Variants in RPS15A observed in about 807,000 individuals in gnomAD.
RPS15A encodes the protein ribosomal protein S15a.
For synonymous variants in RPS15A, 55 were observed against 58.5 expected (o/e 0.94, Z 0.27); for missense variants, 62 against 163.4 (o/e 0.38, Z 3.38).
intron 3 of RPS15A, among the ~76,000 whole-genome samples, chr16:18,787,727 T>C (rs1229765560): frequency 6.6e-6 from 1 of 152,308 alleles, no homozygotes; most frequent in South Asian, 2.1e-4. Flanking sequence ...CACAGCACCT[T>C]GGACAAAAGG....
intron 2 of RPS15A, 105 bp from the exon 3 acceptor site, chr16:18,788,247 T>C (rs531164906): frequency 4.1e-6 from 3 of 731,302 alleles, no homozygotes; most frequent in East Asian, 2.5e-5. Flanking sequence ...CCTCAGTGAC[T>C]GCTTCTCCAA....
chr16:18,783,570 T>G (rs565392473), intron 4 of RPS15A: 1 of 440,950 alleles, frequency 2.3e-6, no homozygotes, highest in African/African-American at 2.0e-5. Flanking sequence ...AAGCATATAG[T>G]ATGCAAATGT....
chr16:18,783,346 T>A (rs891383206), intron 4 of RPS15A: 6 of 498,678 alleles, frequency 1.2e-5, no homozygotes, highest in Non-Finnish European at 2.2e-5. Flanking sequence ...GCCTACACCA[T>A]GAAACAAACT....
intron 3 of RPS15A, 150 bp from the exon 4 acceptor site, chr16:18,784,973 C>A: frequency 1.7e-6 from 1 of 581,256 alleles, no homozygotes; most frequent in Non-Finnish European, 2.9e-6. Flanking sequence ...CAATGCTTGA[C>A]ATACTTTTCA....
At chr16:18,785,123 T>C (rs1904026741) in intron 3 of RPS15A, 1 of 268,690 alleles carries the variant, frequency 3.7e-6, no homozygotes, top group Non-Finnish European at 6.9e-6. Flanking sequence ...GATGATCAGA[T>C]TTTACATAGC....
At chr16:18,789,480 C>G (rs1341914843) in intron 1 of RPS15A, among the ~76,000 whole-genome samples, 3 of 152,214 alleles carry the variant, frequency 2.0e-5, no homozygotes, top group Admixed American at 2.0e-4. Context: ...AGGAAAACAT[C>G]GGGTATAGTC....
rs1381645199 is a variant in RPS15A at position 18,788,959 on chromosome 16, AAC to A, written c.133+20_133+21del. The A allele has an allele frequency of 3.7e-6, 6 of 1,603,636 alleles. No homozygotes were observed. The Admixed American group carries it at 8.7e-5, about 23-fold the overall frequency. ...TAGAGAGTCTCACATGAAAACATAA[AAC>A]ACAGCGGCAGCAGACTTACCATGCT... On this transcript the variant is annotated intron_variant, in intron 2 of 4. Coordinates refer to ENST00000322989, the MANE Select transcript of RPS15A (RefSeq NM_001019.5).
chr16:18,786,332 C>A (rs753254723), intron 3 of RPS15A: 2 of 167,578 alleles, frequency 1.2e-5, no homozygotes, highest in Non-Finnish European at 2.7e-5. Flanking sequence ...CCACTGCACT[C>A]CAACCTGGGT....
At position 18,782,821 on chromosome 16, in the gene RPS15A, T is replaced by C; in HGVS notation, c.*188A>G. ...AGCAGGGGTGACTGTTTCTTAGGCATACTGGTTTCATAAGAACTTTTTCCC... is the reference window on the plus strand; with the variant it reads ...AGCAGGGGTGACTGTTTCTTAGGCACACTGGTTTCATAAGAACTTTTTCCC... On this transcript the variant is annotated 3_prime_UTR_variant, in exon 5 of 5. Transcript: ENST00000322989. 3.8e-6 allele frequency: 2 copies of C among 523,012 alleles called. No homozygotes were observed. The highest frequency in any genetic ancestry group is 1.9e-5 in the African/African-American group (1 of 52,154). The allele number at this position is 523,012 out of a possible 1,614,324, so 32.4% of individuals were successfully genotyped here. A position where few individuals can be genotyped will look rare whatever the true frequency, so the allele number is the denominator to read the frequency against.
chr16:18,788,212 T>G, intron 2 of RPS15A, 70 bp from the exon 3 acceptor site: 1 of 968,288 alleles, frequency 1.0e-6, no homozygotes, highest in Non-Finnish European at 1.6e-6. Flanking sequence ...TGCTCTAGCC[T>G]ACTCAATTCT....
At chr16:18,783,541 C>T (rs1334402097) in intron 4 of RPS15A, 5 of 400,440 alleles carry the variant, frequency 1.2e-5, no homozygotes, top group Non-Finnish European at 2.5e-5. Flanking sequence ...TCATGAGTTA[C>T]TGTGGGGATC....
intron 1 of RPS15A, 44 bp from the exon 2 acceptor site, chr16:18,789,162 A>G (rs757736432): frequency 6.4e-7 from 1 of 1,566,930 alleles, no homozygotes; most frequent in Non-Finnish European, 8.7e-7. Flanking sequence ...GGCATTGCCA[A>G]CATCAACAGA....
At chr16:18,785,904 T>C (rs903291473) in intron 3 of RPS15A, 2 of 152,316 alleles carry the variant, frequency 1.3e-5, no homozygotes, top group Non-Finnish European at 1.5e-5. Flanking sequence ...TAAAACAGCA[T>C]ACCCTCCCCC....
In RPS15A at chr16:18,782,329, G is replaced by A. The variant is rs369648813; in HGVS notation, c.*680C>T. 1 of 139,042 alleles carries A rather than the reference G, an allele frequency of 7.2e-6. No individual in the cohort carries two copies. The highest frequency in any genetic ancestry group is 7.5e-5 in the Admixed American group (1 of 13,346). 8.6% of individuals were successfully genotyped at this position (139,042 alleles called of 1,614,324 possible). On this transcript the variant is annotated 3_prime_UTR_variant, in exon 5 of 5. Coordinates refer to ENST00000322989, the MANE Select transcript of RPS15A (RefSeq NM_001019.5). ...AAAAAAAAAAAAAAATTCCTAGCAA[G>A]TATTTATTACAGCAGTCAGTGACAA... is the stretch of plus-strand genomic sequence containing the variant.
chr16:18,788,954 C>G (rs201791048), intron 2 of RPS15A, 27 bp downstream of exon 2: 16 of 1,601,444 alleles, frequency 1.0e-5, no homozygotes, highest in Non-Finnish European at 1.3e-5. Context: ...CACATGAAAA[C>G]ATAAAACACA....
rs758100750 is a variant in RPS15A, at chr16:18,788,122, T to C, written c.154A>G (p.Ile52Val). Reference protein sequence around the residue: ...MKHGYIGEFEIIDDHRAGKIV... With the variant: ...MKHGYIGEFEVIDDHRAGKIV... ...TTCCCAGCTCTGTGGTCATCAATGA[T>C]TTCAAATTCGCCAATGTAACCTACA... is the stretch of plus-strand genomic sequence containing the variant. The change falls in exon 3 of 5, where the codon ATC becomes GTC. Residue 52 changes from isoleucine (I) to valine (V), a missense_variant. Physicochemically the swap from Ile to Val is conservative, Grantham distance 29 (BLOSUM62 3). Coordinates refer to ENST00000322989, the MANE Select transcript of RPS15A (RefSeq NM_001019.5). 1 of 1,611,944 alleles carries C rather than the reference T, an allele frequency of 6.2e-7. No individual in the cohort carries two copies. The highest frequency in any genetic ancestry group is 1.1e-5 in the South Asian group (1 of 91,038).
intron 4 of RPS15A, chr16:18,784,435 C>T (rs904296548): frequency 1.2e-5 from 3 of 243,178 alleles, no homozygotes; most frequent in Non-Finnish European, 2.4e-5. Flanking sequence ...TAGGTAGACA[C>T]GGGGTTCTCC....
At chr16:18,789,777 T>C (rs1359237064) in intron 1 of RPS15A, 6 of 152,062 alleles carry the variant, frequency 3.9e-5, no homozygotes, top group African/African-American at 7.2e-5. Context: ...AAAGTGCCAA[T>C]AGTAAAGAGT....
chr16:18,787,096 C>T (rs1427330952), intron 3 of RPS15A, among the ~76,000 whole-genome samples: 1 of 152,216 alleles, frequency 6.6e-6, no homozygotes, highest in Non-Finnish European at 1.5e-5. Context: ...AACTCCTGAC[C>T]TCGTGATCCG....
Sources: gnomAD v4.1 joint callset for allele counts (sites outside exome capture counted in the v4.1 genomes callset) on GRCh38, gnomAD v4.1.1 for gene constraint, MANE v1.5 for transcripts, NCBI Gene and HGNC (gene_info 2026-07-23, HGNC 2026-07-21) for gene names.